Variants in PLIN1 observed in about 807,000 individuals in gnomAD.
The protein encoded by PLIN1 is perilipin-1.
Under a neutral mutation model 45.8 loss-of-function variants are expected in PLIN1, and 37 were observed. That is an observed-to-expected ratio of 0.81 (90% confidence interval 0.62 to 1.06). The LOEUF (loss-of-function observed/expected upper bound fraction) is 1.06. Among genes scored for constraint, PLIN1 ranks in the 50% least tolerant of loss-of-function variants. The pLI is 0.00. For synonymous variants in PLIN1, 340 were observed against 309.2 expected (o/e 1.10, Z -1.05); for missense variants, 776 against 716.5 (o/e 1.08, Z -0.95).
At position 89,665,469 on chromosome 15, in the gene PLIN1, C is replaced by G; in HGVS notation, c.*114G>C. ...CCTTGGCAGCATCATCAGGATGAGG[C>G]TGAGCTCCCCAGGGGACCACTTTGA... On this transcript the variant is annotated 3_prime_UTR_variant, in exon 9 of 9. Transcript: ENST00000300055. 1.1e-6 allele frequency: 1 copy of G among 897,400 alleles called. No homozygotes were observed. Among genetic ancestry groups the G allele is most frequent in the Admixed American group, 3.1e-5 (1 of 32,326 alleles). The allele number at this position is 897,400 out of a possible 1,614,324, so 55.6% of individuals were successfully genotyped here. A position where few individuals can be genotyped will look rare whatever the true frequency, so the allele number is the denominator to read the frequency against.
At chr15:89,677,321 A>C in intron 2 of PLIN1, 124 bp downstream of exon 2, 1 of 846,250 alleles carries the variant, frequency 1.2e-6, no homozygotes, top group South Asian at 1.3e-5. Context: ...AAGCCATGGT[A>C]GTCAATGAAC....
At position 89,669,573 on chromosome 15, in the gene PLIN1, G is replaced by T. The variant is rs751903385; in HGVS notation, c.698C>A (p.Thr233Asn). 21 of 1,613,868 alleles carry T rather than the reference G, an allele frequency of 1.3e-5. No homozygotes were observed. The highest frequency in any genetic ancestry group is 1.0e-5 in the Non-Finnish European group (12 of 1,179,940). ...GALTNTLSRY[T>N]VQTMARALEQ... ...CAGGGCCCGGGCCATGGTCTGCACG[G>T]TGTATCGAGAGAGGGTGTTGGTCAG... Residue 233 changes from threonine (T) to asparagine (N), a missense_variant, in exon 6 of 9, where the codon ACC (threonine) becomes AAC (asparagine). Coordinates refer to ENST00000300055, the MANE Select transcript of PLIN1 (RefSeq NM_002666.5).
At chr15:89,676,117 C>A (rs1964511211) in intron 2 of PLIN1, among the ~76,000 whole-genome samples, 1 of 152,096 alleles carries the variant, frequency 6.6e-6, no homozygotes, top group Non-Finnish European at 1.5e-5. Flanking sequence ...GACACTGTGG[C>A]ATGGTTTTGC....
In PLIN1 at chr15:89,665,547, C is replaced by A; in HGVS notation, c.*36G>T. On this transcript the variant is annotated 3_prime_UTR_variant, in exon 9 of 9. Transcript: ENST00000300055. Reference sequence around the variant, plus strand: ...GGGTTCTGTTTATTTGTTAGAGAAACCCGCCGGCCCGGGGCGCGGCGGCTG... The same window carrying A: ...GGGTTCTGTTTATTTGTTAGAGAAAACCGCCGGCCCGGGGCGCGGCGGCTG... 6.6e-7 allele frequency: 1 copy of A among 1,520,704 alleles called. No homozygotes were observed. Among genetic ancestry groups the A allele is most frequent in the Middle Eastern group, 2.3e-4 (1 of 4,302 alleles). The allele number at this position is 1,520,704 out of a possible 1,614,324, so 94.2% of individuals were successfully genotyped here.
At position 89,667,136 on chromosome 15, in the gene PLIN1, G is replaced by C. The variant is rs747616512; in HGVS notation, c.1009C>G (p.His337Asp). The C allele has an allele frequency of 1.7e-4, 274 of 1,613,802 alleles. No homozygotes were observed. Among genetic ancestry groups the C allele is most frequent in the Non-Finnish European group, 2.2e-4 (264 of 1,179,992 alleles). Residue 337 changes from histidine to aspartate, a missense_variant, in exon 8 of 9, where the codon CAT (histidine) becomes GAT (aspartate). By Grantham distance (81) the His-to-Asp change is moderately conservative (BLOSUM62 -1). Coordinates refer to ENST00000300055, the MANE Select transcript of PLIN1 (RefSeq NM_002666.5). ...GTCTGGAGGGTCTTCTGCAGGGTAT[G>C]TGCCACACCACCCAGGAGGCCTCGA... is the stretch of plus-strand genomic sequence containing the variant. ...GPRGLLGGVA[H>D]TLQKTLQTTI...
At position 89,667,106 on chromosome 15, in the gene PLIN1, T is replaced by C. The variant is rs752803680; in HGVS notation, c.1039A>G (p.Ile347Val). The C allele has an allele frequency of 6.2e-7, 1 of 1,614,070 alleles. No homozygotes were observed. Among genetic ancestry groups the C allele is most frequent in the Admixed American group, 1.7e-5 (1 of 60,028 alleles). Residue 347 changes from isoleucine (I) to valine (V), a missense_variant, in exon 8 of 9, where the codon ATC becomes GTC. Physicochemically the swap from Ile to Val is conservative, Grantham distance 29 (BLOSUM62 3). Transcript: ENST00000300055. ...HTLQKTLQTT[I>V]SAVTWAPAAV... ...GCAGGTGCCCATGTCACAGCCGAGA[T>C]GGTGGTCTGGAGGGTCTTCTGCAGG...
chr15:89,667,871 C>T (rs113880850), intron 6 of PLIN1, 78 bp from the exon 7 acceptor site: 55 of 1,531,836 alleles, frequency 3.6e-5, no homozygotes, highest in African/African-American at 3.3e-4. Context: ...CCAAGCCCCT[C>T]GCCCCCAGGG....
chr15:89,677,170 C>G, intron 2 of PLIN1: 1 of 526,630 alleles, frequency 1.9e-6, no homozygotes, highest in Non-Finnish European at 3.4e-6. Context: ...CAGTAGTTTC[C>G]TTCCTCTCCA....
intron 1 of PLIN1, chr15:89,677,844 G>A (rs1466821268): frequency 2.3e-5 from 5 of 216,140 alleles, no homozygotes; most frequent in African/African-American, 4.7e-5. Flanking sequence ...TCCGCCTCCC[G>A]GGTTCAAGGG....
intron 1 of PLIN1, chr15:89,677,757 T>C (rs559484845): frequency 2.3e-4 from 105 of 457,856 alleles, no homozygotes; most frequent in Non-Finnish European, 3.5e-4. Flanking sequence ...TTCTTTCTTT[T>C]TTTTTTTTTT....
Position 89,665,559 on chromosome 15 carries a change from G to C in PLIN1, c.*24C>G, listed in dbSNP as rs975481677. 14 of 1,524,064 alleles carry C rather than the reference G, an allele frequency of 9.2e-6. No homozygotes were observed. Among genetic ancestry groups the C allele is most frequent in the Admixed American group, 6.0e-5 (3 of 50,320 alleles). 94.4% of individuals were successfully genotyped at this position (1,524,064 alleles called of 1,614,324 possible). On this transcript the variant is annotated 3_prime_UTR_variant, in exon 9 of 9. Coordinates refer to ENST00000300055, the MANE Select transcript of PLIN1 (RefSeq NM_002666.5). Reference sequence around the variant, plus strand: ...TTTGTTAGAGAAACCCGCCGGCCCGGGGCGCGGCGGCTGGTGCGGCGACTC... The same window carrying C: ...TTTGTTAGAGAAACCCGCCGGCCCGCGGCGCGGCGGCTGGTGCGGCGACTC...
rs1345450746 is a variant in PLIN1, at chr15:89,664,897, G to A, written c.*686C>T. On this transcript the variant is annotated 3_prime_UTR_variant, in exon 9 of 9. Coordinates refer to ENST00000300055, the MANE Select transcript of PLIN1 (RefSeq NM_002666.5). The stretch of plus-strand genomic sequence containing the variant: ...GCATCAAAAGAGTGACTATGCAGGT[G>A]AAGGCAGTAATGATGCAAATGGAAA... 2.2e-6 allele frequency: 1 copy of A among 456,078 alleles called. No individual in the cohort carries two copies. The highest frequency in any genetic ancestry group is 4.4e-6 in the Non-Finnish European group (1 of 226,806). The allele number at this position is 456,078 out of a possible 1,614,324, so 28.3% of individuals were successfully genotyped here. A position where few individuals can be genotyped will look rare whatever the true frequency, so the allele number is the denominator to read the frequency against.
At chr15:89,675,001 G>A (rs971406431) in intron 2 of PLIN1, among the ~76,000 whole-genome samples, 7 of 152,080 alleles carry the variant, frequency 4.6e-5, no homozygotes, top group Admixed American at 2.0e-4. Context: ...CTGTGGTCCC[G>A]GCTACTCGGG....
At chr15:89,668,159 T>C (rs1964383751) in intron 6 of PLIN1, among the ~76,000 whole-genome samples, 1 of 152,222 alleles carries the variant, frequency 6.6e-6, no homozygotes, top group Non-Finnish European at 1.5e-5. Context: ...TCGAACTTCA[T>C]GTAAGTGGAG....
At chr15:89,673,829 C>T (rs747259514) in intron 2 of PLIN1, among the ~76,000 whole-genome samples, 10 of 152,182 alleles carry the variant, frequency 6.6e-5, no homozygotes, top group Non-Finnish European at 1.5e-4. Flanking sequence ...GGGGTACTGC[C>T]TCCCTGCCTG....
At chr15:89,673,481 G>A (rs935120631) in intron 2 of PLIN1, 67 bp from the exon 3 acceptor site, 35 of 1,307,300 alleles carry the variant, frequency 2.7e-5, no homozygotes, top group East Asian at 7.5e-5. Flanking sequence ...AGCTGACCCC[G>A]GGGTCATGGG....
At position 89,665,872 on chromosome 15, in the gene PLIN1, T is replaced by C. The variant is rs1003587869; in HGVS notation, c.1280A>G (p.Glu427Gly). ...RDIDNPPAEVERREAERRASG... is the reference protein window; with the variant it reads ...RDIDNPPAEVGRREAERRASG... Reference sequence around the variant, plus strand: ...CGCTCTGCGCTCCGCCTCCCGGCGCTCGACCTCGGCTGGTGGGTTGTCGAT... The same window carrying C: ...CGCTCTGCGCTCCGCCTCCCGGCGCCCGACCTCGGCTGGTGGGTTGTCGAT... Residue 427 changes from glutamate (E) to glycine (G), a missense_variant, in exon 9 of 9, where the codon GAG (glutamate) becomes GGG (glycine). By Grantham distance (98) the Glu-to-Gly change is moderately conservative (BLOSUM62 -2). Transcript: ENST00000300055. The C allele has an allele frequency of 4.0e-6, 6 of 1,510,052 alleles. No homozygotes were observed. The highest frequency in any genetic ancestry group is 2.7e-5 in the East Asian group (1 of 37,494). The allele number at this position is 1,510,052 out of a possible 1,614,324, so 93.5% of individuals were successfully genotyped here.
intron 2 of PLIN1, among the ~76,000 whole-genome samples, chr15:89,675,815 C>T (rs1964507150): frequency 6.6e-6 from 1 of 152,014 alleles, no homozygotes; most frequent in Non-Finnish European, 1.5e-5. Context: ...AAGTGATTTA[C>T]CCAAGATCCC....
rs1224112482 is a variant in PLIN1 at position 89,665,806 on chromosome 15, A to T, written c.1346T>A (p.Leu449His). 1 of 1,355,966 alleles carries T rather than the reference A, an allele frequency of 7.4e-7. No homozygotes were observed. Among genetic ancestry groups the T allele is most frequent in the Non-Finnish European group, 9.5e-7 (1 of 1,053,830 alleles). 84.0% of individuals were successfully genotyped at this position (1,355,966 alleles called of 1,614,324 possible). Residue 449 changes from leucine (L) to histidine (H), a missense_variant, in exon 9 of 9, where the codon CTC becomes CAC. Transcript: ENST00000300055. ...PSAGPEPAPR[L>H]AQPRRSLRSA... ...GCGCAGGCTGCGGCGGGGCTGTGCG[A>T]GACGCGGGGCGGGCTCCGGGCCGGC...
Sources: allele counts gnomAD v4.1 joint callset (sites outside exome capture counted in the v4.1 genomes callset), GRCh38; gene constraint gnomAD v4.1.1; transcripts MANE v1.5; gene names NCBI Gene and HGNC (gene_info 2026-07-23, HGNC 2026-07-21).